DNAH11: variants seen among roughly 807,000 people sequenced by gnomAD.
DNAH11 encodes axonemal beta dynein heavy chain 11.
In DNAH11, 442 loss-of-function variants were observed where a neutral mutation model predicts 526.0. That is an observed-to-expected ratio of 0.84 (90% CI 0.78 to 0.91). The LOEUF (loss-of-function observed/expected upper bound fraction) is 0.91, where lower values mean the gene tolerates loss of function less well. DNAH11 is among the 40% of genes least tolerant of loss of function. DNAH11 has a pLI of 0.00. For missense variants in DNAH11, 6,989 were observed against 5,448.7 expected, an observed-to-expected ratio of 1.28 and a Z score of -8.90; for synonymous variants, 2,461 against 1,935.9, an observed-to-expected ratio of 1.27 and a Z score of -7.12.
At chr7:21,816,831 A>T in intron 64 of DNAH11, 129 bp downstream of exon 64, 1 of 735,846 alleles carries the variant, frequency 1.4e-6, no homozygotes. Context: ...CTATTTGTTT[A>T]TCTGCCTGTT....
In DNAH11 at chr7:21,801,137, G is replaced by A. The variant is rs1336071429; in HGVS notation, c.10027G>A (p.Asp3343Asn). The A allele has an allele frequency of 6.2e-7, 1 of 1,605,328 alleles. No homozygotes were observed. The highest frequency in any genetic ancestry group is 2.2e-5 in the East Asian group (1 of 44,758). The stretch of plus-strand genomic sequence containing the variant: ...AAAAGTTAATTCAACTCTGATTCAG[G>A]ATCTGGATCGAAATCTGAGCAGACT... Reference protein sequence around the residue: ...KLEAIRKKLVDLDRNLSRLTA... With the variant: ...KLEAIRKKLVNLDRNLSRLTA... The change falls in exon 62 of 82, where the codon GAT becomes AAT. Residue 3343 changes from aspartate to asparagine, a missense_variant and splice_region_variant. Coordinates refer to ENST00000409508, the MANE Select transcript of DNAH11 (RefSeq NM_001277115.2).
intron 8 of DNAH11, among the ~76,000 whole-genome samples, chr7:21,575,128 C>T (rs766002984): frequency 4.2e-4 from 64 of 152,180 alleles, no homozygotes; most frequent in Middle Eastern, 3.4e-3. Flanking sequence ...CCACCTGCCT[C>T]GGCCTCCAAA....
At chr7:21,853,969 C>G (rs1299223544) in intron 67 of DNAH11, among the ~76,000 whole-genome samples, 1 of 152,056 alleles carries the variant, frequency 6.6e-6, no homozygotes, top group Non-Finnish European at 1.5e-5. Context: ...AGAGCCATCC[C>G]TGGGAGGTGA....
At chr7:21,853,036 T>G (rs970695938) in intron 67 of DNAH11, among the ~76,000 whole-genome samples, 1 of 152,208 alleles carries the variant, frequency 6.6e-6, no homozygotes, top group South Asian at 2.1e-4. Flanking sequence ...AGTGAAAGTT[T>G]TGTTTACAGG....
chr7:21,643,150 T>C (rs1389266828), intron 28 of DNAH11, among the ~76,000 whole-genome samples: 1 of 152,228 alleles, frequency 6.6e-6, no homozygotes, highest in African/African-American at 2.4e-5. Flanking sequence ...GAAGTCCTTA[T>C]GGGATTCAGT....
chr7:21,616,201 G>A lies in DNAH11; in HGVS notation c.4012-8G>A, dbSNP rs374349753. On this transcript the variant is annotated splice_polypyrimidine_tract_variant and splice_region_variant and intron_variant, in intron 21 of 81. Transcript: ENST00000409508. ...TGTTGACACTTTTATCTGCTTTTGC[G>A]TTTTCAGAGAAGCATTGATAATTGG... 185 of 1,612,474 alleles carry A rather than the reference G, an allele frequency of 1.1e-4. 1 individual carries two copies. In the East Asian group the frequency reaches 2.4e-3, roughly 21 times the overall value.
chr7:21,679,946 T>C (rs753996564), intron 30 of DNAH11, among the ~76,000 whole-genome samples: 2 of 152,340 alleles, frequency 1.3e-5, no homozygotes, highest in Middle Eastern at 6.8e-3. Context: ...TGTATACATA[T>C]GCCATGTTGG....
intron 54 of DNAH11, among the ~76,000 whole-genome samples, chr7:21,758,182 A>G (rs1016802987): frequency 5.9e-5 from 9 of 152,218 alleles, no homozygotes; most frequent in African/African-American, 2.2e-4. Flanking sequence ...TTTGCTTTGC[A>G]GGACCACATC....
intron 68 of DNAH11, among the ~76,000 whole-genome samples, chr7:21,858,813 ATATATC>A (rs1562588246): frequency 6.6e-6 from 1 of 152,218 alleles, no homozygotes; most frequent in Admixed American, 6.5e-5. Context: ...TATTGTTAGA[ATATATC>A]TATTTGTCAA....
At chr7:21,810,656 C>A (rs1010866754) in intron 63 of DNAH11, among the ~76,000 whole-genome samples, 2 of 152,044 alleles carry the variant, frequency 1.3e-5, no homozygotes, top group African/African-American at 4.8e-5. Flanking sequence ...AGTTTATAAT[C>A]ACAGTAATAA....
chr7:21,546,976 G>A (rs1011884226), intron 2 of DNAH11, among the ~76,000 whole-genome samples: 3 of 152,304 alleles, frequency 2.0e-5, no homozygotes, highest in Admixed American at 2.0e-4. Context: ...AGGCACACTT[G>A]CTCTTTTATC....
chr7:21,595,168 T>C (rs1315323374), intron 14 of DNAH11, among the ~76,000 whole-genome samples: 1 of 152,176 alleles, frequency 6.6e-6, no homozygotes, highest in Non-Finnish European at 1.5e-5. Flanking sequence ...AGGCCCCTCT[T>C]CTAGGTTGCA....
At position 21,901,372 on chromosome 7, in the gene DNAH11, T is replaced by A; in HGVS notation, c.*118T>A. 2 of 1,328,028 alleles carry A rather than the reference T, an allele frequency of 1.5e-6. No homozygotes were observed. Among genetic ancestry groups the A allele is most frequent in the Non-Finnish European group, 2.0e-6 (2 of 1,020,144 alleles). 82.3% of individuals were successfully genotyped at this position (1,328,028 alleles called of 1,614,324 possible). ...TTTAGTAACTCACACGTGCATTCTT[T>A]TTTCAACGCTATCCTTAGAGTGAAA... On this transcript the variant is annotated 3_prime_UTR_variant, in exon 82 of 82. Coordinates refer to ENST00000409508, the MANE Select transcript of DNAH11 (RefSeq NM_001277115.2).
intron 44 of DNAH11, among the ~76,000 whole-genome samples, chr7:21,722,959 A>G (rs975516984): frequency 3.3e-5 from 5 of 152,092 alleles, no homozygotes; most frequent in East Asian, 1.9e-4. Context: ...CCAGTTTCCA[A>G]ATGTATCAGC....
At chr7:21,564,069 G>T (rs1288336101) in intron 5 of DNAH11, 117 bp from the exon 6 acceptor site, 5 of 669,212 alleles carry the variant, frequency 7.5e-6, no homozygotes, top group Non-Finnish European at 1.2e-5. Flanking sequence ...AAGGAACTAT[G>T]ACAACATTTA....
chr7:21,544,377 G>T (rs547718922), intron 1 of DNAH11, among the ~76,000 whole-genome samples: 52 of 152,252 alleles, frequency 3.4e-4, no homozygotes, highest in South Asian at 6.2e-4. Flanking sequence ...TAATAGGAAG[G>T]CTGCCTTATG....
rs1001555624 is a variant in DNAH11, at chr7:21,588,883, C to T, written c.1973+247C>T. Among the ~76,000 whole-genome samples, 6 of 152,146 alleles carry T rather than the reference C, an allele frequency of 3.9e-5. No individual in the cohort carries two copies. The East Asian group carries it at 9.7e-4, about 25-fold the overall frequency. ...CTTTTTCCTTGTCCTTTCCACCCAC[C>T]ATGTTTGGAGTTTCTCGTTATTGTT... On this transcript the variant is annotated intron_variant, in intron 11 of 81. Transcript: ENST00000409508.
chr7:21,810,278 C>G (rs1199026549), intron 63 of DNAH11, among the ~76,000 whole-genome samples: 1 of 152,156 alleles, frequency 6.6e-6, no homozygotes, highest in Non-Finnish European at 1.5e-5. Flanking sequence ...CCACTTCTGT[C>G]ATAGAGAATA....
At chr7:21,735,900 C>T (rs1358076924) in intron 46 of DNAH11, 56 bp downstream of exon 46, 1 of 1,487,470 alleles carries the variant, frequency 6.7e-7, no homozygotes, top group Non-Finnish European at 9.1e-7. Context: ...TCAAGGCGGG[C>T]ACATGCAGCC....
Sources: allele counts gnomAD v4.1 joint callset (sites outside exome capture counted in the v4.1 genomes callset), GRCh38; gene constraint gnomAD v4.1.1; transcripts MANE v1.5; gene names NCBI Gene and HGNC (gene_info 2026-07-23, HGNC 2026-07-21).